The following AK2 variants were observed in gnomAD, a reference collection of about 807,000 sequenced individuals.
AK2 encodes adenylate kinase 2.
In AK2, 15 loss-of-function variants were observed where a neutral mutation model predicts 24.6. The ratio of observed to expected loss-of-function variants is 0.61; its 90% confidence interval spans 0.41 to 0.94. AK2 has a LOEUF of 0.94. Among genes scored for constraint, AK2 ranks in the 40% least tolerant of loss-of-function variants. The pLI is 0.00. For synonymous variants in AK2, 102 were observed against 114.0 expected, an observed-to-expected ratio of 0.90 and a Z score of 0.67; for missense variants, 257 against 304.1, an observed-to-expected ratio of 0.85 and a Z score of 1.15.
At chr1:33,035,946 TACAA>T (rs569605892) in intron 1 of AK2, among the ~76,000 whole-genome samples, 11 of 151,980 alleles carry the variant, frequency 7.2e-5, no homozygotes, top group Non-Finnish European at 1.0e-4. Flanking sequence ...GGAAGGAAGA[TACAA>T]ACAAACAAAA....
chr1:33,027,131 A>G (rs868587748), intron 1 of AK2, among the ~76,000 whole-genome samples: 1 of 152,216 alleles, frequency 6.6e-6, no homozygotes. Flanking sequence ...AACAAACCCA[A>G]AAAACCAAAA....
chr1:33,016,504 C>A lies in AK2; in HGVS notation c.426-1910G>T, dbSNP rs373270950. Among the ~76,000 whole-genome samples the A allele has an allele frequency of 2.0e-5, 3 of 151,994 alleles. No individual in the cohort carries two copies. The East Asian group carries it at 5.8e-4, about 30-fold the overall frequency. ...GGGATTACAGGTGTGAGCCACTGCG[C>A]CTGGTCTATTTATTTTATTTTTTGA... On this transcript the variant is annotated intron_variant, in intron 4 of 5. Coordinates refer to ENST00000672715, the MANE Select transcript of AK2 (RefSeq NM_001625.4).
At position 33,012,158 on chromosome 1, in the gene AK2, C is replaced by G; in HGVS notation, c.*1023G>C. 5 of 1,535,422 alleles carry G rather than the reference C, an allele frequency of 3.3e-6. No homozygotes were observed. The highest frequency in any genetic ancestry group is 2.0e-5 in the Admixed American group (1 of 50,984). ...AGAAGACAATCTGAATTCAAAAGGA[C>G]CTTTCACCTGGTTTAATTCTCTGGC... On this transcript the variant is annotated 3_prime_UTR_variant, in exon 6 of 6. Coordinates refer to ENST00000672715, the MANE Select transcript of AK2 (RefSeq NM_001625.4).
At chr1:33,022,624 T>C (rs892700836) in intron 2 of AK2, among the ~76,000 whole-genome samples, 1 of 152,114 alleles carries the variant, frequency 6.6e-6, no homozygotes, top group Admixed American at 6.6e-5. Flanking sequence ...CCCAAAGTGT[T>C]AGTATTACAG....
intron 1 of AK2, among the ~76,000 whole-genome samples, chr1:33,027,318 A>G (rs1412417402): frequency 6.6e-6 from 1 of 152,188 alleles, no homozygotes; most frequent in Non-Finnish European, 1.5e-5. Flanking sequence ...TGACCAAAAC[A>G]CCACAGAGAA....
intron 4 of AK2, among the ~76,000 whole-genome samples, chr1:33,017,186 T>A (rs535040688): frequency 5.9e-5 from 9 of 152,356 alleles, no homozygotes; most frequent in African/African-American, 1.9e-4. Flanking sequence ...TCCTGGGTTA[T>A]ATTTATTGGT....
chr1:33,015,555 T>C (rs1313247817), intron 4 of AK2, among the ~76,000 whole-genome samples: 1 of 152,226 alleles, frequency 6.6e-6, no homozygotes, highest in African/African-American at 2.4e-5. Context: ...TGAAGGTCTA[T>C]TAGACTAGAG....
rs1638675452 is a variant in AK2, at chr1:33,009,616, T to C, written c.*3565A>G. On this transcript the variant is annotated 3_prime_UTR_variant, in exon 6 of 6. Coordinates refer to ENST00000672715, the MANE Select transcript of AK2 (RefSeq NM_001625.4). ...AGAAGGTGGCATAACCAACTTCCTTTTTCAGCTGAGGAAACAGGAGCACAG... is the reference window on the plus strand; with the variant it reads ...AGAAGGTGGCATAACCAACTTCCTTCTTCAGCTGAGGAAACAGGAGCACAG... The C allele has an allele frequency of 2.2e-6, 1 of 454,050 alleles. No individual in the cohort carries two copies. 28.1% of individuals were successfully genotyped at this position (454,050 alleles called of 1,614,324 possible). A position where few individuals can be genotyped will look rare whatever the true frequency, so the allele number is the denominator to read the frequency against.
Position 33,012,119 on chromosome 1 carries a change from C to A in AK2, c.*1062G>T, listed in dbSNP as rs780686582. 46 of 1,535,340 alleles carry A rather than the reference C, an allele frequency of 3.0e-5. No individual in the cohort carries two copies. Among genetic ancestry groups the A allele is most frequent in the Non-Finnish European group, 3.9e-5 (45 of 1,146,732 alleles). Reference sequence around the variant, plus strand: ...GTAGATTTGACTGCTCTCAGATGATCAGCCTGGATGTTCAGAAGACAATCT... The same window carrying A: ...GTAGATTTGACTGCTCTCAGATGATAAGCCTGGATGTTCAGAAGACAATCT... On this transcript the variant is annotated 3_prime_UTR_variant, in exon 6 of 6. Coordinates refer to ENST00000672715, the MANE Select transcript of AK2 (RefSeq NM_001625.4).
rs1014985284 is a variant in AK2, at chr1:33,011,877, T to C, written c.*1304A>G. The C allele has an allele frequency of 2.0e-6, 3 of 1,527,766 alleles. No homozygotes were observed. In the African/African-American group the frequency reaches 4.1e-5, roughly 21 times the overall value. The allele number at this position is 1,527,766 out of a possible 1,614,324, so 94.6% of individuals were successfully genotyped here. A position where few individuals can be genotyped will look rare whatever the true frequency, so the allele number is the denominator to read the frequency against. On this transcript the variant is annotated 3_prime_UTR_variant, in exon 6 of 6. Coordinates refer to ENST00000672715, the MANE Select transcript of AK2 (RefSeq NM_001625.4). ...GTCCATGGCTATAGCCATCATAAAA[T>C]TAGGGGTGAAGGGTTGGATCTAGAA...
rs778547480 is a variant in AK2, at chr1:33,024,456, C to T, written c.205G>A (p.Asp69Asn). 2.5e-6 allele frequency: 4 copies of T among 1,614,160 alleles called. No homozygotes were observed. Among genetic ancestry groups the T allele is most frequent in the Non-Finnish European group, 3.4e-6 (4 of 1,180,026 alleles). The stretch of plus-strand genomic sequence containing the variant: ...ACCAAACCTACCAGTTTCCCAGCAT[C>T]CATAGTTGCCTTCAGCTTTTTTCCT... ...ELGKKLKATM[D>N]AGKLVSDEMV... The change falls in exon 2 of 6, where the codon GAT becomes AAT. Residue 69 changes from aspartate (D) to asparagine (N), a missense_variant. Transcript: ENST00000672715.
At chr1:33,031,376 C>T (rs1302269179) in intron 1 of AK2, 2 of 298,392 alleles carry the variant, frequency 6.7e-6, no homozygotes, top group East Asian at 1.6e-4. Flanking sequence ...CCTCTGAGCT[C>T]AGTTTCTCTG....
chr1:33,010,284 T>A lies in AK2; in HGVS notation c.*2897A>T. ...CTTCCCCCTCCCCTTGATTCCAGTT[T>A]GCTTGATTTGTTGAGCCACCATCCC... On this transcript the variant is annotated 3_prime_UTR_variant, in exon 6 of 6. Transcript: ENST00000672715. The A allele has an allele frequency of 2.2e-6, 1 of 455,040 alleles. No homozygotes were observed. 28.2% of individuals were successfully genotyped at this position (455,040 alleles called of 1,614,324 possible).
At chr1:33,027,282 G>A (rs974029748) in intron 1 of AK2, among the ~76,000 whole-genome samples, 6 of 152,170 alleles carry the variant, frequency 3.9e-5, no homozygotes, top group African/African-American at 1.4e-4. Flanking sequence ...ACAATTTGGA[G>A]GTCAGGCTTG....
rs1638590047 is a variant in AK2, at chr1:33,008,143, T to A, written c.*5038A>T. On this transcript the variant is annotated 3_prime_UTR_variant, in exon 6 of 6. Coordinates refer to ENST00000672715, the MANE Select transcript of AK2 (RefSeq NM_001625.4). Reference sequence around the variant, plus strand: ...CTTTCTTCAATGCCTACATTTTCCCTCTGAATTCCATCTGTGTTTACTAAG... The same window carrying A: ...CTTTCTTCAATGCCTACATTTTCCCACTGAATTCCATCTGTGTTTACTAAG... 2.2e-6 allele frequency: 1 copy of A among 454,052 alleles called. No individual in the cohort carries two copies. The highest frequency in any genetic ancestry group is 4.4e-6 in the Non-Finnish European group (1 of 226,838). The allele number at this position is 454,052 out of a possible 1,614,324, so 28.1% of individuals were successfully genotyped here.
chr1:33,011,155 C>T lies in AK2; in HGVS notation c.*2026G>A. 1 of 1,364,848 alleles carries T rather than the reference C, an allele frequency of 7.3e-7. No individual in the cohort carries two copies. The highest frequency in any genetic ancestry group is 9.5e-7 in the Non-Finnish European group (1 of 1,052,736). 84.5% of individuals were successfully genotyped at this position (1,364,848 alleles called of 1,614,324 possible). On this transcript the variant is annotated 3_prime_UTR_variant, in exon 6 of 6. Transcript: ENST00000672715. ...GACAAATATTTGGGCAAGGATCATGCACATAAAATTAGCAAACATTCAAGA... is the reference window on the plus strand; with the variant it reads ...GACAAATATTTGGGCAAGGATCATGTACATAAAATTAGCAAACATTCAAGA...
chr1:33,020,253 T>C, intron 4 of AK2: 1 of 1,036,572 alleles, frequency 9.6e-7, no homozygotes, highest in Non-Finnish European at 1.4e-6. Flanking sequence ...ATGAGCAAAT[T>C]CTTCCTCCAT....
At chr1:33,028,976 G>A (rs1001565091) in intron 1 of AK2, among the ~76,000 whole-genome samples, 2 of 152,140 alleles carry the variant, frequency 1.3e-5, no homozygotes, top group Non-Finnish European at 2.9e-5. Flanking sequence ...GGGCTCTACC[G>A]TTTATTCACT....
In AK2 at chr1:33,012,984, GCA is replaced by G. The variant is rs368005323; in HGVS notation, c.*195_*196del. The stretch of plus-strand genomic sequence containing the variant: ...TAGCAGAGTGAACACATATGTGCAT[GCA>G]CACACACACACACACAACACACATA... On this transcript the variant is annotated 3_prime_UTR_variant, in exon 6 of 6. Coordinates refer to ENST00000672715, the MANE Select transcript of AK2 (RefSeq NM_001625.4). The G allele has an allele frequency of 0.012, 13,962 of 1,168,730 alleles. No homozygotes were observed. The highest frequency in any genetic ancestry group is 0.037 in the East Asian group (1,091 of 29,484). 72.4% of individuals were successfully genotyped at this position (1,168,730 alleles called of 1,614,324 possible). A position where few individuals can be genotyped will look rare whatever the true frequency, so the allele number is the denominator to read the frequency against.
Sources: allele counts gnomAD v4.1 joint callset (sites outside exome capture counted in the v4.1 genomes callset), GRCh38; gene constraint gnomAD v4.1.1; transcripts MANE v1.5; gene names NCBI Gene and HGNC (gene_info 2026-07-23, HGNC 2026-07-21).